TAS2R1: variants seen among roughly 807,000 people sequenced by gnomAD.
The protein encoded by TAS2R1 is taste receptor type 2 member 1.
For synonymous variants in TAS2R1, 141 were observed against 134.2 expected (o/e 1.05, Z -0.35); for missense variants, 370 against 353.4 (o/e 1.05, Z -0.38).
the TAS2R1 span, among the ~76,000 whole-genome samples, chr5:9,773,895 C>G: frequency 1.3e-5 from 2 of 152,094 alleles, no homozygotes; most frequent in African/African-American, 2.4e-5. Flanking sequence ...TTGATGTAGT[C>G]TTCTTTGGGT....
the TAS2R1 span, among the ~76,000 whole-genome samples, chr5:9,825,089 G>T: frequency 6.6e-6 from 1 of 152,164 alleles, no homozygotes; most frequent in Non-Finnish European, 1.5e-5. Context: ...TTAACCAATT[G>T]ATGAAGCTGT....
At chr5:9,874,506 T>A in the TAS2R1 span, among the ~76,000 whole-genome samples, 2 of 152,162 alleles carry the variant, frequency 1.3e-5, no homozygotes, top group African/African-American at 2.4e-5. Context: ...GACTCAGGGA[T>A]CCTATTTCAT....
At chr5:9,665,807 A>G (rs1740620931) in intron 1 of TAS2R1, among the ~76,000 whole-genome samples, 1 of 152,274 alleles carries the variant, frequency 6.6e-6, no homozygotes, top group Non-Finnish European at 1.5e-5. Flanking sequence ...AATAAATAAA[A>G]GTAAAGGAAC....
Position 9,677,320 on chromosome 5 carries a change from T to G in TAS2R1, c.-241-17739A>C, listed in dbSNP as rs187293256. Among the ~76,000 whole-genome samples the G allele has an allele frequency of 1.2e-3, 182 of 152,206 alleles. 2 individuals are homozygous for G. Among genetic ancestry groups the G allele is most frequent in the African/African-American group, 4.1e-3 (169 of 41,552 alleles). ...AACTAAGGGGTACTGGCTTAATACC[T>G]GGGTGATGAAATAATCTGTACAACA... is the stretch of plus-strand genomic sequence containing the variant. On this transcript the variant is annotated intron_variant, in intron 1 of 2. Transcript: ENST00000506620.
chr5:9,788,123 G>A, the TAS2R1 span, among the ~76,000 whole-genome samples: 1 of 152,174 alleles, frequency 6.6e-6, no homozygotes, highest in Non-Finnish European at 1.5e-5. Context: ...CCCCTTCACA[G>A]TACAGATAAA....
the TAS2R1 span, among the ~76,000 whole-genome samples, chr5:9,901,039 G>C: frequency 6.6e-6 from 1 of 152,134 alleles, no homozygotes; most frequent in Non-Finnish European, 1.5e-5. Context: ...ATTCGCAGCT[G>C]CTTTGCTTTG....
chr5:9,889,183 G>T, the TAS2R1 span, among the ~76,000 whole-genome samples: 1 of 152,216 alleles, frequency 6.6e-6, no homozygotes, highest in African/African-American at 2.4e-5. Flanking sequence ...GCTTGCAGGG[G>T]AATGCTCAGG....
At chr5:9,732,159 G>A in the TAS2R1 span, among the ~76,000 whole-genome samples, 1 of 152,202 alleles carries the variant, frequency 6.6e-6, no homozygotes, top group Non-Finnish European at 1.5e-5. Context: ...GGGAAAGAAC[G>A]AGATTTGCCC....
chr5:9,867,282 G>A, the TAS2R1 span: 5 of 152,236 alleles, frequency 3.3e-5, no homozygotes, highest in Admixed American at 6.5e-5. Context: ...ATATATATTA[G>A]TCCACTCTCA....
chr5:9,709,278 A>G (rs1455659630), intron 1 of TAS2R1, among the ~76,000 whole-genome samples: 2 of 151,834 alleles, frequency 1.3e-5, no homozygotes, highest in African/African-American at 4.8e-5. Flanking sequence ...TGTTTCAATT[A>G]TAGGGCCTCG....
At chr5:9,692,833 C>T (rs1301580118) in intron 1 of TAS2R1, among the ~76,000 whole-genome samples, 2 of 152,140 alleles carry the variant, frequency 1.3e-5, no homozygotes, top group African/African-American at 2.4e-5. Context: ...CTCGTCCTGG[C>T]CATATCTTTT....
At chr5:9,893,763 C>A in the TAS2R1 span, among the ~76,000 whole-genome samples, 14,367 of 151,960 alleles carry the variant, frequency 0.095, 681 homozygotes, top group African/African-American at 0.099. Flanking sequence ...GCAGAAACAA[C>A]ATAGATTCTT....
chr5:9,822,232 T>C, the TAS2R1 span, among the ~76,000 whole-genome samples: 3 of 152,246 alleles, frequency 2.0e-5, no homozygotes, highest in Non-Finnish European at 4.4e-5. Context: ...CAGATGTCAC[T>C]GTTCTGATTC....
chr5:9,694,458 ACCC>A (rs1227373671), intron 1 of TAS2R1, among the ~76,000 whole-genome samples: 1 of 152,192 alleles, frequency 6.6e-6, no homozygotes, highest in Non-Finnish European at 1.5e-5. Flanking sequence ...GGATTTTGTT[ACCC>A]TACTTACAAA....
chr5:9,779,143 T>C, the TAS2R1 span, among the ~76,000 whole-genome samples: 1 of 152,242 alleles, frequency 6.6e-6, no homozygotes, highest in African/African-American at 2.4e-5. Flanking sequence ...AGTAATGATT[T>C]AGTTCTCACT....
the TAS2R1 span, among the ~76,000 whole-genome samples, chr5:9,881,555 T>C: frequency 1.3e-5 from 2 of 151,934 alleles, no homozygotes; most frequent in Non-Finnish European, 2.9e-5. Context: ...GCCAAGACAA[T>C]CCTAAGCAAA....
the TAS2R1 span, among the ~76,000 whole-genome samples, chr5:9,800,825 G>A: frequency 2.0e-5 from 3 of 152,176 alleles, no homozygotes; most frequent in African/African-American, 7.2e-5. Flanking sequence ...ATTAGAAGAT[G>A]GGGTCTTTGG....
chr5:9,647,069 C>T (rs1483723958), intron 2 of TAS2R1, among the ~76,000 whole-genome samples: 1 of 152,046 alleles, frequency 6.6e-6, no homozygotes. Flanking sequence ...AATGATATGG[C>T]ATGAATCTCA....
the TAS2R1 span, among the ~76,000 whole-genome samples, chr5:9,766,142 A>G: frequency 6.6e-6 from 1 of 152,250 alleles, no homozygotes; most frequent in Non-Finnish European, 1.5e-5. Context: ...TTTAAAAGTA[A>G]ATCATCATCC....
Sources: allele counts gnomAD v4.1 joint callset (sites outside exome capture counted in the v4.1 genomes callset), GRCh38; gene constraint gnomAD v4.1.1; transcripts MANE v1.5; gene names NCBI Gene and HGNC (gene_info 2026-07-23, HGNC 2026-07-21).